MTMR3: variants seen among roughly 807,000 people sequenced by gnomAD.
MTMR3 encodes phosphatidylinositol-3,5-bisphosphate 3-phosphatase MTMR3.
A neutral mutation model predicts 132.4 loss-of-function variants in MTMR3; 32 were observed. That is an observed-to-expected ratio of 0.24 (90% CI 0.18 to 0.32). The LOEUF is 0.32. Among genes scored for constraint, MTMR3 ranks in the 10% least tolerant of loss-of-function variants. MTMR3 has a pLI of 1.00. For missense variants in MTMR3, 1,216 were observed against 1,489.6 expected, an observed-to-expected ratio of 0.82 and a Z score of 3.02; for synonymous variants, 556 against 550.3, an observed-to-expected ratio of 1.01 and a Z score of -0.14.
rs1431370703 is a variant in MTMR3 at position 30,030,231 on chromosome 22, C to T, written c.*4430C>T. ...TTTCTATTATATCTGAGTAACTAGT[C>T]AGTTTTTCTTACAGTGCTCATAGCA... On this transcript the variant is annotated 3_prime_UTR_variant, in exon 20 of 20. Transcript: ENST00000401950. 1 of 152,200 alleles carries T rather than the reference C, an allele frequency of 6.6e-6. No homozygotes were observed. Among genetic ancestry groups the T allele is most frequent in the Non-Finnish European group, 1.5e-5 (1 of 68,016 alleles). The allele number at this position is 152,200 out of a possible 1,614,324, so 9.4% of individuals were successfully genotyped here.
intron 1 of MTMR3, among the ~76,000 whole-genome samples, chr22:29,943,770 C>T: frequency 6.7e-6 from 1 of 149,794 alleles, no homozygotes; most frequent in Non-Finnish European, 1.5e-5. Context: ...TTCCCCTTCC[C>T]CACCCCCAAA....
rs879637685 is a variant in MTMR3 at position 29,910,163 on chromosome 22, CA to C, written c.-138+26816del. On this transcript the variant is annotated intron_variant, in intron 1 of 19. Coordinates refer to ENST00000401950, the MANE Select transcript of MTMR3 (RefSeq NM_021090.4). ...TGGGTGACAGAACGAGACTCCATCTCAAAAAAAAAAAAGAAAGTGGGCCCTT... is the reference window on the plus strand; with the variant it reads ...TGGGTGACAGAACGAGACTCCATCTCAAAAAAAAAAAGAAAGTGGGCCCTT... 8.4e-3 allele frequency among the ~76,000 whole-genome samples: 819 copies of C among 97,600 alleles called. 5 individuals carry two copies. Among genetic ancestry groups the C allele is most frequent in the African/African-American group, 0.024 (635 of 26,124 alleles). The allele number at this position is 97,600 out of a possible 152,430, so 64.0% of individuals were successfully genotyped here. A position where few individuals can be genotyped will look rare whatever the true frequency, so the allele number is the denominator to read the frequency against.
rs546969768 is a variant in MTMR3, at chr22:29,996,003, A to G, written c.461-2758A>G. On this transcript the variant is annotated intron_variant, in intron 7 of 19. Coordinates refer to ENST00000401950, the MANE Select transcript of MTMR3 (RefSeq NM_021090.4). ...TGTTTTGTGAAATGCTTTCAAAAAA[A>G]TAATGTATGTTGTATTAGCTGGGCA... 7.2e-5 allele frequency: 11 copies of G among 152,360 alleles called. No individual in the cohort carries two copies. The East Asian group carries it at 2.1e-3, about 29-fold the overall frequency. 9.4% of individuals were successfully genotyped at this position (152,360 alleles called of 1,614,324 possible). A position where few individuals can be genotyped will look rare whatever the true frequency, so the allele number is the denominator to read the frequency against.
chr22:29,912,024 G>GA (rs139860368), intron 1 of MTMR3, among the ~76,000 whole-genome samples: 109 of 152,288 alleles, frequency 7.2e-4, no homozygotes, highest in Non-Finnish European at 1.4e-3. Flanking sequence ...AAAGAGAGGG[G>GA]AGAAAAACTC....
At chr22:30,002,563 C>T (rs1019915494) in intron 8 of MTMR3, 42 of 209,562 alleles carry the variant, frequency 2.0e-4, no homozygotes, top group African/African-American at 8.5e-4. Context: ...ACCCTCGACT[C>T]CCCTTTTTTT....
chr22:29,998,752 G>T lies in MTMR3; in HGVS notation c.461-9G>T. On this transcript the variant is annotated splice_polypyrimidine_tract_variant and intron_variant, in intron 7 of 19. Transcript: ENST00000401950. Reference sequence around the variant, plus strand: ...TTCTTCCTTTCTGCTGTTTATCTTTGGCCTCTAGGGGAGCATGTAACTTCA... The same window carrying T: ...TTCTTCCTTTCTGCTGTTTATCTTTTGCCTCTAGGGGAGCATGTAACTTCA... 1 of 1,603,054 alleles carries T rather than the reference G, an allele frequency of 6.2e-7. No homozygotes were observed.
intron 6 of MTMR3, chr22:29,989,630 A>G (rs2066921575): frequency 6.6e-6 from 1 of 152,212 alleles, no homozygotes; most frequent in Admixed American, 6.5e-5. Context: ...GTGTTTGTCC[A>G]GTATTTCCTC....
At chr22:29,967,973 T>A (rs2066462419) in intron 2 of MTMR3, among the ~76,000 whole-genome samples, 1 of 152,000 alleles carries the variant, frequency 6.6e-6, no homozygotes, top group Non-Finnish European at 1.5e-5. Context: ...TCCATTCACA[T>A]TTTGTTTGTC....
At chr22:30,017,653 A>C in intron 15 of MTMR3, 1 of 364,976 alleles carries the variant, frequency 2.7e-6, no homozygotes. Context: ...AAGGTGACCT[A>C]AGAAATAACT....
chr22:29,947,186 TCTC>T (rs1403940822), intron 1 of MTMR3, among the ~76,000 whole-genome samples: 2 of 152,172 alleles, frequency 1.3e-5, no homozygotes, highest in Admixed American at 1.3e-4. Context: ...ATTATTTCTT[TCTC>T]CTCTTTCCGA....
chr22:29,961,415 G>A (rs181935739), intron 2 of MTMR3, among the ~76,000 whole-genome samples: 266 of 152,134 alleles, frequency 1.7e-3, no homozygotes, highest in Admixed American at 3.8e-3. Context: ...ACATAGGAGG[G>A]ATTTGTTATA....
chr22:30,003,122 C>G, intron 9 of MTMR3, 129 bp downstream of exon 9: 1 of 654,082 alleles, frequency 1.5e-6, no homozygotes, highest in Non-Finnish European at 2.7e-6. Context: ...CAAGGCTGTA[C>G]TTCCTTATTG....
intron 2 of MTMR3, among the ~76,000 whole-genome samples, chr22:29,969,045 C>T (rs1484326953): frequency 6.6e-6 from 1 of 152,188 alleles, no homozygotes; most frequent in Non-Finnish European, 1.5e-5. Context: ...ACTGATGTCT[C>T]CCACATTTAT....
intron 2 of MTMR3, among the ~76,000 whole-genome samples, chr22:29,961,560 C>T (rs1602573302): frequency 1.3e-5 from 2 of 152,118 alleles, no homozygotes; most frequent in Admixed American, 6.5e-5. Flanking sequence ...ACCCAAGATA[C>T]GATGGTAGCC....
chr22:29,978,325 GC>G (rs2066671334), intron 3 of MTMR3, 116 bp from the exon 4 acceptor site: 1 of 675,770 alleles, frequency 1.5e-6, no homozygotes, highest in South Asian at 2.1e-5. Flanking sequence ...GAGCTTTTCT[GC>G]CTGTTCACCT....
intron 12 of MTMR3, chr22:30,011,328 T>C (rs1222151887): frequency 6.6e-6 from 1 of 152,116 alleles, no homozygotes; most frequent in Non-Finnish European, 1.5e-5. Flanking sequence ...CAAGTGTGAT[T>C]AGCTTGTGAT....
At chr22:29,929,300 ACACTCATTTTTC>A (rs1325190589) in intron 1 of MTMR3, among the ~76,000 whole-genome samples, 1 of 151,850 alleles carries the variant, frequency 6.6e-6, no homozygotes, top group African/African-American at 2.4e-5. Flanking sequence ...CAAACAGAAA[ACACTCATTTTTC>A]CACCAGTGCC....
rs1024638096 is a variant in MTMR3 at position 30,020,422 on chromosome 22, A to G, written c.2763A>G (p.Glu921=). 6.2e-7 allele frequency: 1 copy of G among 1,614,172 alleles called. No homozygotes were observed. ...CCCCTTGTGCCTTGCCTTTAGCCGA[A>G]TGTAAAGAGGGGCTTGTGTGCAATG... ...TRSPCALPLA[E]CKEGLVCNGA... The change falls in exon 17 of 20, where the codon GAA becomes GAG. Residue 921 remains glutamate, a synonymous_variant. Transcript: ENST00000401950.
chr22:29,949,060 T>C (rs1369124994), intron 1 of MTMR3, among the ~76,000 whole-genome samples: 1 of 134,698 alleles, frequency 7.4e-6, no homozygotes, highest in African/African-American at 2.8e-5. Context: ...ATCATGCCAC[T>C]GCACTCTAGC....
Sources: gnomAD v4.1 joint callset for allele counts (sites outside exome capture counted in the v4.1 genomes callset) on GRCh38, gnomAD v4.1.1 for gene constraint, MANE v1.5 for transcripts, NCBI Gene and HGNC (gene_info 2026-07-23, HGNC 2026-07-21) for gene names.